Variants in PHOSPHO1 observed in about 807,000 individuals in gnomAD.
PHOSPHO1 encodes the protein phosphoethanolamine/phosphocholine phosphatase.
A neutral mutation model predicts 17.7 loss-of-function variants in PHOSPHO1; 6 were observed. The ratio of observed to expected loss-of-function variants is 0.34; its 90% CI spans 0.19 to 0.67. PHOSPHO1 has a LOEUF of 0.67. Ranked by LOEUF, PHOSPHO1 falls within the 30% of genes least tolerant of loss-of-function variation. The pLI is 0.69. For synonymous variants in PHOSPHO1, 159 were observed against 174.6 expected (o/e 0.91, Z 0.71); for missense variants, 330 against 392.1 (o/e 0.84, Z 1.34).
chr17:49,226,883 C>T (rs557504153), intron 1 of PHOSPHO1, 125 bp from the exon 2 acceptor site: 50 of 623,478 alleles, frequency 8.0e-5, no homozygotes, highest in Non-Finnish European at 1.3e-4. Context: ...TTAGCAAAAA[C>T]AACCCCTCAA....
At chr17:49,226,142 GA>G (rs1413052002) in intron 2 of PHOSPHO1, among the ~76,000 whole-genome samples, 2 of 152,126 alleles carry the variant, frequency 1.3e-5, no homozygotes, top group African/African-American at 4.8e-5. Context: ...GAGAGGCGCA[GA>G]GGGGCAGTGA....
Position 49,224,088 on chromosome 17 carries a change from G to T in PHOSPHO1, c.*158C>A. ...ACTGAATAGATAGGGACGGCTCTGA[G>T]CCCCCTTCCCCAAGCCCCCAAATAC... On this transcript the variant is annotated 3_prime_UTR_variant, in exon 3 of 3. Transcript: ENST00000310544. 8.8e-7 allele frequency: 1 copy of T among 1,132,976 alleles called. No homozygotes were observed. The highest frequency in any genetic ancestry group is 1.2e-6 in the Non-Finnish European group (1 of 826,328). 70.2% of individuals were successfully genotyped at this position (1,132,976 alleles called of 1,614,324 possible).
intron 2 of PHOSPHO1, chr17:49,225,705 G>A (rs976673361): frequency 2.9e-5 from 37 of 1,288,954 alleles, no homozygotes; most frequent in South Asian, 6.2e-5. Flanking sequence ...GCCAGAGTCC[G>A]AAGCAAGCGG....
rs2043335611 is a variant in PHOSPHO1 at position 49,224,941 on chromosome 17, T to C, written c.109A>G (p.Ile37Val). The C allele has an allele frequency of 1.3e-6, 2 of 1,588,438 alleles. No homozygotes were observed. The highest frequency in any genetic ancestry group is 1.8e-5 in the Admixed American group (1 of 56,448). Residue 37 changes from isoleucine to valine, a missense_variant, in exon 3 of 3, where the codon ATC (isoleucine) becomes GTC (valine). By Grantham distance (29) the Ile-to-Val change is conservative (BLOSUM62 3). Transcript: ENST00000310544. ...GAATCGTCGCTGTTTTCGTCCACGA[T>C]AGTCTCGTCGAAGTCGAAGGTCAGG... is the stretch of plus-strand genomic sequence containing the variant. The part of the protein sequence containing the change: ...FLLTFDFDET[I>V]VDENSDDSIV...
Position 49,224,752 on chromosome 17 carries a change from G to A in PHOSPHO1, c.298C>T (p.Pro100Ser), listed in dbSNP as rs750989348. 3 of 1,599,566 alleles carry A rather than the reference G, an allele frequency of 1.9e-6. No individual in the cohort carries two copies. The highest frequency in any genetic ancestry group is 1.7e-4 in the Middle Eastern group (1 of 6,040). Residue 100 changes from proline (P) to serine (S), a missense_variant, in exon 3 of 3, where the codon CCA (proline) becomes TCA (serine). Pro to Ser is a moderately conservative substitution (Grantham distance 74, BLOSUM62 -1). Transcript: ENST00000310544. The part of the protein sequence containing the change: ...SAIYEAIPLS[P>S]GMSDLLQFVA... ...AACTGCAGCAGGTCGCTCATGCCTGGCGACAAAGGGATGGCTTCGTAGATG... is the reference window on the plus strand; with the variant it reads ...AACTGCAGCAGGTCGCTCATGCCTGACGACAAAGGGATGGCTTCGTAGATG...
intron 2 of PHOSPHO1, 32 bp downstream of exon 2, chr17:49,226,615 A>G (rs1015797027): frequency 1.2e-6 from 2 of 1,612,196 alleles, no homozygotes; most frequent in Admixed American, 3.3e-5. Context: ...CTGAGGCCTC[A>G]TCCTAGGAGA....
Position 49,224,666 on chromosome 17 carries a change from G to A in PHOSPHO1, c.384C>T (p.Gly128=). ...VILISDANTF[G]VESSLRAAGH... is the part of the protein sequence containing the mutation. ...CGGCGGCGCGCAGCGAGCTCTCCAC[G>A]CCAAAGGTGTTGGCATCGGAGATGA... Residue 128 remains glycine, a synonymous_variant, in exon 3 of 3, where the codon GGC becomes GGT. Coordinates refer to ENST00000310544, the MANE Select transcript of PHOSPHO1 (RefSeq NM_178500.4). 1.9e-6 allele frequency: 3 copies of A among 1,588,834 alleles called. No individual in the cohort carries two copies. Among genetic ancestry groups the A allele is most frequent in the Non-Finnish European group, 2.6e-6 (3 of 1,172,256 alleles).
intron 1 of PHOSPHO1, among the ~76,000 whole-genome samples, chr17:49,228,033 T>G (rs148198147): frequency 4.4e-4 from 67 of 152,238 alleles, no homozygotes; most frequent in African/African-American, 1.5e-3. Context: ...CCTTCCAGAT[T>G]CCCAGCTGAT....
intron 2 of PHOSPHO1, chr17:49,225,331 C>T: frequency 3.0e-6 from 3 of 985,434 alleles, no homozygotes; most frequent in Non-Finnish European, 3.6e-6. Flanking sequence ...AAGGGAAGAG[C>T]AGCTTCCAAG....
chr17:49,229,055 G>T (rs1438587580), intron 1 of PHOSPHO1: 1 of 151,974 alleles, frequency 6.6e-6, no homozygotes, highest in Non-Finnish European at 1.5e-5. Flanking sequence ...GTATCTAGGG[G>T]ATTCAGTTAA....
At chr17:49,229,440 G>C (rs905272764) in intron 1 of PHOSPHO1, among the ~76,000 whole-genome samples, 10 of 152,090 alleles carry the variant, frequency 6.6e-5, no homozygotes, top group Non-Finnish European at 1.2e-4. Context: ...ATTCTGCACC[G>C]GGTCACAGAT....
chr17:49,227,641 C>G (rs1311723454), intron 1 of PHOSPHO1, among the ~76,000 whole-genome samples: 1 of 152,134 alleles, frequency 6.6e-6, no homozygotes, highest in Non-Finnish European at 1.5e-5. Context: ...GTAAACCCCT[C>G]TGTCAAGGTG....
rs1045713106 is a variant in PHOSPHO1, at chr17:49,230,686, C to G, written c.-286G>C. 6.5e-6 allele frequency: 1 copy of G among 153,160 alleles called. No homozygotes were observed. The highest frequency in any genetic ancestry group is 2.4e-5 in the African/African-American group (1 of 41,452). The allele number at this position is 153,160 out of a possible 1,614,324, so 9.5% of individuals were successfully genotyped here. A position where few individuals can be genotyped will look rare whatever the true frequency, so the allele number is the denominator to read the frequency against. ...GGATGATGTGCGTCTGAGCCGTCCC[C>G]TCCACTTGCCCCTCATCCCCCCCGG... On this transcript the variant is annotated 5_prime_UTR_variant, in exon 1 of 3. Transcript: ENST00000310544.
Position 49,224,298 on chromosome 17 carries a change from TC to T in PHOSPHO1, c.751del (p.Glu251LysfsTer14). 1 of 1,598,166 alleles carries T rather than the reference TC, an allele frequency of 6.3e-7. No individual in the cohort carries two copies. The highest frequency in any genetic ancestry group is 8.5e-7 in the Non-Finnish European group (1 of 1,176,208). On this transcript the variant is annotated frameshift_variant, in exon 3 of 3. Transcript: ENST00000310544. LOFTEE classifies it high-confidence loss of function. ...SSFRASVVPWETAADVRLHLQ... is the reference protein window; with the variant it reads ...SSFRASVVPWXTAADVRLHLQ... ...GTGGAGGCGCACATCTGCAGCCGTT[TC>T]CCAGGGCACCACGCTGGCGCGGAAC...
Position 49,224,234 on chromosome 17 carries a change from A to G in PHOSPHO1, c.*12T>C, listed in dbSNP as rs372592574. 1 of 1,547,686 alleles carries G rather than the reference A, an allele frequency of 6.5e-7. No individual in the cohort carries two copies. The highest frequency in any genetic ancestry group is 8.7e-7 in the Non-Finnish European group (1 of 1,151,818). On this transcript the variant is annotated 3_prime_UTR_variant, in exon 3 of 3. Transcript: ENST00000310544. Reference sequence around the variant, plus strand: ...GCCGTTGGCCCGGGTACCCCCCTGCAGGCGGCCAGACTCAGCACGACTTCA... The same window carrying G: ...GCCGTTGGCCCGGGTACCCCCCTGCGGGCGGCCAGACTCAGCACGACTTCA...
At chr17:49,225,543 T>A in intron 2 of PHOSPHO1, 1 of 1,224,892 alleles carries the variant, frequency 8.2e-7, no homozygotes, top group Non-Finnish European at 1.0e-6. Context: ...AATCTATGGC[T>A]CTCTGGGAGC....
chr17:49,226,843 T>C (rs772088895), intron 1 of PHOSPHO1, 85 bp from the exon 2 acceptor site: 21 of 807,654 alleles, frequency 2.6e-5, no homozygotes, highest in Non-Finnish European at 3.9e-5. Context: ...CTGGTCCTTC[T>C]GCTGAGCTAC....
Position 49,224,587 on chromosome 17 carries a change from G to C in PHOSPHO1, c.463C>G (p.Arg155Gly). ...AACGGCCGCAGAGCCAGCAGTCCCC[G>C]CGCATCCGGCCCCGACGGGTTGCTG... ...ILSNPSGPDA[R>G]GLLALRPFHT... is the part of the protein sequence containing the mutation. Residue 155 changes from arginine (R) to glycine (G), a missense_variant, in exon 3 of 3, where the codon CGG becomes GGG. By Grantham distance (125) the Arg-to-Gly change is moderately radical. Transcript: ENST00000310544. The C allele has an allele frequency of 6.4e-7, 1 of 1,564,426 alleles. No individual in the cohort carries two copies. The highest frequency in any genetic ancestry group is 2.3e-5 in the East Asian group (1 of 42,572).
chr17:49,225,503 G>A (rs1263412779), intron 2 of PHOSPHO1: 13 of 985,304 alleles, frequency 1.3e-5, no homozygotes, highest in Non-Finnish European at 1.6e-5. Flanking sequence ...AACTGGACCA[G>A]TTTCCTCATT....
Sources: allele counts gnomAD v4.1 joint callset (sites outside exome capture counted in the v4.1 genomes callset), GRCh38; gene constraint gnomAD v4.1.1; transcripts MANE v1.5; gene names NCBI Gene and HGNC (gene_info 2026-07-23, HGNC 2026-07-21).